Variants in WHAMM observed in about 807,000 individuals in gnomAD.
WHAMM encodes the protein WASP homolog-associated protein with actin, membranes and microtubules.
A neutral mutation model predicts 76.5 loss-of-function variants in WHAMM; 67 were observed. The observed-to-expected ratio is 0.88, with a 90% CI of 0.72 to 1.07. The LOEUF (loss-of-function observed/expected upper bound fraction) is 1.07, where lower values mean the gene tolerates loss of function less well. WHAMM is among the 50% of genes least tolerant of loss of function. The probability of loss-of-function intolerance (pLI) is 0.00; values close to 1 mark genes in which losing one functional copy is unlikely to be tolerated. For missense variants in WHAMM, 1,021 were observed against 1,051.1 expected, an observed-to-expected ratio of 0.97 and a Z score of 0.40; for synonymous variants, 419 against 422.1, an observed-to-expected ratio of 0.99 and a Z score of 0.09.
intron 1 of WHAMM, among the ~76,000 whole-genome samples, chr15:82,812,696 A>T (rs959957352): frequency 3.9e-5 from 6 of 151,956 alleles, no homozygotes; most frequent in Non-Finnish European, 7.4e-5. Context: ...ATATTATAAA[A>T]GTGTCTTTTT....
chr15:82,809,887 G>A lies in WHAMM; in HGVS notation c.161G>A (p.Arg54Gln), dbSNP rs750765805. Residue 54 changes from arginine to glutamine, a missense_variant, in exon 1 of 10, where the codon CGG becomes CAG. Arg to Gln is a conservative substitution (Grantham distance 43). Transcript: ENST00000286760. Reference sequence around the variant, plus strand: ...CACGACCGTACCGCGCAGCAGCGGCGGCTGCGCGAGGGGGCCCGGTTGGGG... The same window carrying A: ...CACGACCGTACCGCGCAGCAGCGGCAGCTGCGCGAGGGGGCCCGGTTGGGG... Reference protein sequence around the residue: ...TCHDRTAQQRRLREGARLGPE... With the variant: ...TCHDRTAQQRQLREGARLGPE... The A allele has an allele frequency of 4.5e-6, 7 of 1,556,598 alleles. No individual in the cohort carries two copies. The highest frequency in any genetic ancestry group is 2.5e-5 in the East Asian group (1 of 40,252).
Position 82,819,503 on chromosome 15 carries a change from T to A in WHAMM, c.1270+15T>A, listed in dbSNP as rs1433967216. Reference sequence around the variant, plus strand: ...ACTTATAAAAGGTAAAATTTAAGTATATAGATTGCAATGTTTAAATTATAA... The same window carrying A: ...ACTTATAAAAGGTAAAATTTAAGTAAATAGATTGCAATGTTTAAATTATAA... On this transcript the variant is annotated intron_variant, in intron 5 of 9. Transcript: ENST00000286760. 1.7e-6 allele frequency: 2 copies of A among 1,155,748 alleles called. No homozygotes were observed. Among genetic ancestry groups the A allele is most frequent in the African/African-American group, 3.3e-5 (2 of 60,780 alleles). The allele number at this position is 1,155,748 out of a possible 1,614,324, so 71.6% of individuals were successfully genotyped here. A position where few individuals can be genotyped will look rare whatever the true frequency, so the allele number is the denominator to read the frequency against.
At chr15:82,828,097 T>G (rs1010208243) in intron 8 of WHAMM, among the ~76,000 whole-genome samples, 4 of 152,204 alleles carry the variant, frequency 2.6e-5, no homozygotes, top group African/African-American at 9.7e-5. Flanking sequence ...CAGAAAAGAT[T>G]CTGGAATAGG....
In WHAMM at chr15:82,821,320, A is replaced by G. The variant is rs1329760227; in HGVS notation, c.1271-1780A>G. Among the ~76,000 whole-genome samples, 11 of 152,180 alleles carry G rather than the reference A, an allele frequency of 7.2e-5. No homozygotes were observed. The East Asian group carries it at 9.6e-4, about 13-fold the overall frequency. ...GTATTATGTCTGGCAATATTCTCCA[A>G]TCCCAAAATTATGTCAATATATGCT... On this transcript the variant is annotated intron_variant, in intron 5 of 9. Coordinates refer to ENST00000286760, the MANE Select transcript of WHAMM (RefSeq NM_001080435.3).
intron 8 of WHAMM, among the ~76,000 whole-genome samples, chr15:82,828,083 A>G (rs1353331112): frequency 6.6e-6 from 1 of 152,218 alleles, no homozygotes; most frequent in Non-Finnish European, 1.5e-5. Context: ...AACCCACTTT[A>G]TCCCAGAAAA....
At position 82,833,444 on chromosome 15, in the gene WHAMM, A is replaced by G. The variant is rs758051915; in HGVS notation, c.2338A>G (p.Ser780Gly). ...CAGACGCACCAGTGACCTTGAGAGG[A>G]GCATCAAGGCTGCGCTCCAGAGAAT... ...SNRRTSDLERSIKAALQRIKR... is the reference protein window; with the variant it reads ...SNRRTSDLERGIKAALQRIKR... Residue 780 changes from serine to glycine, a missense_variant, in exon 10 of 10, where the codon AGC becomes GGC. Physicochemically the swap from Ser to Gly is moderately conservative, Grantham distance 56 (BLOSUM62 0). Around this residue, in one of 3 missense-constraint regions of WHAMM, gnomAD observed 509 missense variants for 492.3 expected, o/e 1.03. Transcript: ENST00000286760. 2.5e-6 allele frequency: 4 copies of G among 1,614,020 alleles called. No individual in the cohort carries two copies. The highest frequency in any genetic ancestry group is 3.3e-5 in the Admixed American group (2 of 60,020).
Position 82,818,066 on chromosome 15 carries a change from A to C in WHAMM, c.1081A>C (p.Lys361Gln). Residue 361 changes from lysine (K) to glutamine (Q), a missense_variant, in exon 4 of 10, where the codon AAA (lysine) becomes CAA (glutamine). Lys to Gln is a moderately conservative substitution (Grantham distance 53). This residue lies in a region of WHAMM where 501 missense variants were observed against 524.9 expected (regional missense o/e 0.95). Transcript: ENST00000286760. ...AGCGAAAGAGTTGTGTTTAAATCAC[A>C]AAAGAGCTGAAATTCAGGGAAAGGT... Reference protein sequence around the residue: ...MRAKELCLNHKRAEIQGKMED... With the variant: ...MRAKELCLNHQRAEIQGKMED... 6.4e-7 allele frequency: 1 copy of C among 1,550,926 alleles called. No individual in the cohort carries two copies.
chr15:82,819,397 A>T lies in WHAMM; in HGVS notation c.1179A>T (p.Gln393His). ...TAGAAATACAATTTTATGAAATTCA[A>T]TTAGAACTATATGAAGTTAAATTTG... ...DELEIQFYEIQLELYEVKFEI... is the reference protein window; with the variant it reads ...DELEIQFYEIHLELYEVKFEI... The change falls in exon 5 of 10, where the codon CAA (glutamine) becomes CAT (histidine). Residue 393 changes from glutamine to histidine, a missense_variant. Physicochemically the swap from Gln to His is conservative, Grantham distance 24. Coordinates refer to ENST00000286760, the MANE Select transcript of WHAMM (RefSeq NM_001080435.3). The T allele has an allele frequency of 8.3e-7, 1 of 1,207,642 alleles. No individual in the cohort carries two copies. The highest frequency in any genetic ancestry group is 1.7e-5 in the South Asian group (1 of 59,756). 74.8% of individuals were successfully genotyped at this position (1,207,642 alleles called of 1,614,324 possible).
intron 6 of WHAMM, among the ~76,000 whole-genome samples, chr15:82,824,521 A>G (rs1320422659): frequency 6.6e-6 from 1 of 152,116 alleles, no homozygotes; most frequent in Non-Finnish European, 1.5e-5. Flanking sequence ...GGGTTTCACC[A>G]TGTTGGCCAA....
chr15:82,830,215 C>T (rs538050835), intron 8 of WHAMM, among the ~76,000 whole-genome samples: 6 of 145,904 alleles, frequency 4.1e-5, no homozygotes, highest in Non-Finnish European at 7.5e-5. Context: ...TTTTTGGAGA[C>T]GGAGTCTTGC....
intron 2 of WHAMM, among the ~76,000 whole-genome samples, chr15:82,813,627 A>C (rs2050668062): frequency 6.8e-6 from 1 of 147,436 alleles, no homozygotes; most frequent in African/African-American, 2.5e-5. Context: ...GAAAGAGTTA[A>C]ATGTTTTTTC....
intron 8 of WHAMM, among the ~76,000 whole-genome samples, chr15:82,827,672 C>T (rs1189911293): frequency 6.6e-6 from 1 of 152,166 alleles, no homozygotes; most frequent in Non-Finnish European, 1.5e-5. Flanking sequence ...GAGTCAGGCA[C>T]GGTGGCTTAC....
In WHAMM at chr15:82,816,815, T is replaced by A. The variant is rs761782440; in HGVS notation, c.907T>A (p.Phe303Ile). The A allele has an allele frequency of 1.3e-5, 20 of 1,564,804 alleles. No homozygotes were observed. The highest frequency in any genetic ancestry group is 1.5e-5 in the Non-Finnish European group (17 of 1,153,510). The part of the protein sequence containing the change: ...VSIQDITVNY[F>I]KETVKALAGM... ...TATTCAGGATATCACAGTGAATTAT[T>A]TTAAGGAGACAGTAAAAGCATTAGC... Residue 303 changes from phenylalanine (F) to isoleucine (I), a missense_variant, in exon 3 of 10, where the codon TTT (phenylalanine) becomes ATT (isoleucine). Phe to Ile is a conservative substitution (Grantham distance 21, BLOSUM62 0). Transcript: ENST00000286760.
Position 82,810,112 on chromosome 15 carries a change from TG to T in WHAMM, c.387del (p.Leu130CysfsTer86). On this transcript the variant is annotated frameshift_variant, in exon 1 of 10. Transcript: ENST00000286760. LOFTEE classifies it high-confidence loss of function. ...GGTCTGGGGCTCGGGCTGTGGGCGC[TG>T]CTGTGGCCGACGCGCGCGGGTCCCG... ...AWGLGLGLWA[L>X]LWPTRAGPGE... The T allele has an allele frequency of 7.5e-7, 1 of 1,332,184 alleles. No homozygotes were observed. Among genetic ancestry groups the T allele is most frequent in the Non-Finnish European group, 9.7e-7 (1 of 1,035,502 alleles). The allele number at this position is 1,332,184 out of a possible 1,614,324, so 82.5% of individuals were successfully genotyped here.
At chr15:82,818,173 A>G (rs2050759465) in intron 4 of WHAMM, 84 bp downstream of exon 4, 1 of 1,420,554 alleles carries the variant, frequency 7.0e-7, no homozygotes, top group Admixed American at 2.3e-5. Context: ...ATACAAGTGC[A>G]GTTTTTGTTC....
rs2051100839 is a variant in WHAMM, at chr15:82,834,577, T to C, written c.*1041T>C. 1 of 152,672 alleles carries C rather than the reference T, an allele frequency of 6.5e-6. No individual in the cohort carries two copies. The highest frequency in any genetic ancestry group is 2.4e-5 in the African/African-American group (1 of 41,460). The allele number at this position is 152,672 out of a possible 1,614,324, so 9.5% of individuals were successfully genotyped here. ...TACTGACTGTGGCCTTCTGTGCATATGGAATAATGATTTCTCAGATTTGTA... is the reference window on the plus strand; with the variant it reads ...TACTGACTGTGGCCTTCTGTGCATACGGAATAATGATTTCTCAGATTTGTA... On this transcript the variant is annotated 3_prime_UTR_variant, in exon 10 of 10. Transcript: ENST00000286760.
chr15:82,821,092 T>G (rs1356249444), intron 5 of WHAMM, among the ~76,000 whole-genome samples: 3 of 152,210 alleles, frequency 2.0e-5, no homozygotes, highest in Non-Finnish European at 4.4e-5. Flanking sequence ...CCATTTGTAC[T>G]TATTTTATGA....
At chr15:82,812,706 T>G (rs1248333024) in intron 1 of WHAMM, among the ~76,000 whole-genome samples, 1 of 152,116 alleles carries the variant, frequency 6.6e-6, no homozygotes, top group African/African-American at 2.4e-5. Flanking sequence ...AGTGTCTTTT[T>G]TTTTGAAATG....
At chr15:82,820,004 A>T (rs2050792778) in intron 5 of WHAMM, among the ~76,000 whole-genome samples, 2 of 152,082 alleles carry the variant, frequency 1.3e-5, no homozygotes, top group South Asian at 4.2e-4. Flanking sequence ...CCTGGACAAC[A>T]GGGCGAGACT....
Sources: gnomAD v4.1 joint callset for allele counts (sites outside exome capture counted in the v4.1 genomes callset) on GRCh38, gnomAD v4.1.1 for gene constraint, gnomAD v4.1.1 regional missense constraint, MANE v1.5 for transcripts, NCBI Gene and HGNC (gene_info 2026-07-23, HGNC 2026-07-21) for gene names.